Variants in GRIP1 observed in about 807,000 individuals in gnomAD.
GRIP1 encodes glutamate receptor interacting protein 1, also known as glutamate receptor-interacting protein 1.
In GRIP1, 45 loss-of-function variants were observed where a neutral mutation model predicts 129.9. That is an observed-to-expected ratio of 0.35 (90% CI 0.27 to 0.44). The LOEUF is 0.44. Ranked by LOEUF, GRIP1 falls within the 20% of genes least tolerant of loss-of-function variation. The pLI is 1.00. For synonymous variants in GRIP1, 530 were observed against 520.8 expected (o/e 1.02, Z -0.24); for missense variants, 1,196 against 1,396.8 (o/e 0.86, Z 2.29).
chr12:66,713,671 T>C (rs2035781384), intron 1 of GRIP1, among the ~76,000 whole-genome samples: 1 of 152,068 alleles, frequency 6.6e-6, no homozygotes, highest in African/African-American at 2.4e-5. Context: ...TCAAGGAAAC[T>C]ACCAACCATT....
chr12:66,841,702 AC>A (rs1295523053), intron 1 of GRIP1, among the ~76,000 whole-genome samples: 1 of 152,190 alleles, frequency 6.6e-6, no homozygotes, highest in Non-Finnish European at 1.5e-5. Context: ...AAAGGTGGCC[AC>A]AGTTAGCTGA....
intron 1 of GRIP1, among the ~76,000 whole-genome samples, chr12:66,642,611 A>G (rs1266147389): frequency 6.6e-6 from 1 of 152,196 alleles, no homozygotes; most frequent in Non-Finnish European, 1.5e-5. Flanking sequence ...TGCCGGGTGG[A>G]GAATGGGTTG....
chr12:66,828,131 C>A (rs899077919), intron 1 of GRIP1, among the ~76,000 whole-genome samples: 1 of 152,172 alleles, frequency 6.6e-6, no homozygotes, highest in Non-Finnish European at 1.5e-5. Flanking sequence ...TGTGGTGAGG[C>A]AATTATTTTA....
rs1014323352 is a variant in GRIP1 at position 66,566,750 on chromosome 12, CA to C, written c.137-24801del. Among the ~76,000 whole-genome samples, 24 of 151,140 alleles carry C rather than the reference CA, an allele frequency of 1.6e-4. No individual in the cohort carries two copies. In the South Asian group the frequency reaches 4.8e-3, roughly 30 times the overall value. ...AAAATTCGGCTGTGAATCCGTCTTC[CA>C]AAAAAAATCCAGGACTTTTTTTGGT... On this transcript the variant is annotated intron_variant, in intron 2 of 24. Transcript: ENST00000359742.
In GRIP1 at chr12:66,931,273, AG is replaced by A. The variant is rs1251695296; in HGVS notation, c.58+137776del. Among the ~76,000 whole-genome samples the A allele has an allele frequency of 2.6e-5, 4 of 152,266 alleles. No homozygotes were observed. The East Asian group carries it at 5.8e-4, about 22-fold the overall frequency. On this transcript the variant is annotated intron_variant, in intron 1 of 1. Coordinates refer to the GRIP1 transcript ENST00000643019. ...GTGTCACAGGGATGCCCTGAGGCAG[AG>A]GGAGCACTGAAATACTGCAGAGGGA...
At chr12:66,607,698 C>T (rs2064599863) in intron 1 of GRIP1, among the ~76,000 whole-genome samples, 1 of 152,182 alleles carries the variant, frequency 6.6e-6, no homozygotes, top group South Asian at 2.1e-4. Flanking sequence ...AGCTCCATGG[C>T]AGAGGTGCTG....
chr12:66,350,274 G>A (rs2054163822), intron 24 of GRIP1, among the ~76,000 whole-genome samples: 2 of 152,060 alleles, frequency 1.3e-5, no homozygotes, highest in South Asian at 4.2e-4. Flanking sequence ...GAGGTGGGTG[G>A]ATCCCCTGAG....
chr12:66,815,772 C>G (rs1235403367), intron 1 of GRIP1, among the ~76,000 whole-genome samples: 1 of 150,964 alleles, frequency 6.6e-6, no homozygotes, highest in Admixed American at 6.6e-5. Flanking sequence ...TCAAACCAAA[C>G]AAACAAACAA....
At chr12:66,762,006 T>G (rs1022188950) in intron 1 of GRIP1, among the ~76,000 whole-genome samples, 3 of 152,162 alleles carry the variant, frequency 2.0e-5, no homozygotes, top group Non-Finnish European at 4.4e-5. Context: ...ATGAGGATAG[T>G]TACATTTCCT....
chr12:66,694,964 G>T (rs886066459), intron 1 of GRIP1, among the ~76,000 whole-genome samples: 29 of 152,312 alleles, frequency 1.9e-4, no homozygotes, highest in African/African-American at 6.5e-4. Flanking sequence ...TCTCTCTGAA[G>T]CACTAAAGTC....
chr12:66,893,242 T>C (rs2040691613), intron 1 of GRIP1, among the ~76,000 whole-genome samples: 1 of 152,164 alleles, frequency 6.6e-6, no homozygotes, highest in African/African-American at 2.4e-5. Context: ...ATGTATTTGA[T>C]ATCTCTTTAT....
chr12:67,000,639 A>C (rs1162625709), intron 1 of GRIP1, among the ~76,000 whole-genome samples: 1 of 152,202 alleles, frequency 6.6e-6, no homozygotes, highest in Non-Finnish European at 1.5e-5. Context: ...AAAATTCAGC[A>C]AGTTCATTAG....
At chr12:66,411,353 A>C (rs11176171) in intron 15 of GRIP1, among the ~76,000 whole-genome samples, 1 of 151,620 alleles carries the variant, frequency 6.6e-6, no homozygotes, top group South Asian at 2.1e-4. Flanking sequence ...TCTGGAGTAG[A>C]CCCCCAGCAA....
chr12:66,743,881 G>C (rs562024498), intron 1 of GRIP1, among the ~76,000 whole-genome samples: 1 of 152,286 alleles, frequency 6.6e-6, no homozygotes, highest in Non-Finnish European at 1.5e-5. Flanking sequence ...ATATTCAAGT[G>C]AAAGGAGGCA....
chr12:66,858,208 G>C (rs1290458356), intron 1 of GRIP1, among the ~76,000 whole-genome samples: 1 of 151,806 alleles, frequency 6.6e-6, no homozygotes, highest in Non-Finnish European at 1.5e-5. Context: ...GTATATATAA[G>C]AGATCATTTT....
At chr12:66,973,271 AC>A (rs11418152) in intron 1 of GRIP1, among the ~76,000 whole-genome samples, 1 of 150,238 alleles carries the variant, frequency 6.7e-6, no homozygotes, top group African/African-American at 2.4e-5. Flanking sequence ...AACAAAAAAA[AC>A]CCACATTATG....
chr12:66,872,388 G>T lies in GRIP1; in HGVS notation c.58+196662C>A, dbSNP rs1195163493. ...AATGCATGGTTCTAGGATTGTTCCTGTAAGTTTACACTCAACTGTTCCTAT... is the reference window on the plus strand; with the variant it reads ...AATGCATGGTTCTAGGATTGTTCCTTTAAGTTTACACTCAACTGTTCCTAT... On this transcript the variant is annotated intron_variant, in intron 1 of 1. Transcript: ENST00000643019. Among the ~76,000 whole-genome samples the T allele has an allele frequency of 4.6e-5, 7 of 152,144 alleles. No individual in the cohort carries two copies. The South Asian group carries it at 1.5e-3, about 32-fold the overall frequency.
Position 66,785,343 on chromosome 12 carries a change from C to CATACATACATACAT in GRIP1, c.-420+18709_-420+18710insATGTATGTATGTAT, listed in dbSNP as rs377630345. ...ACATACATACATACATACATACATACATATATATATATATATATATTAGTT... is the reference window on the plus strand; with the variant it reads ...ACATACATACATACATACATACATACATACATACATACATATATATATATATATATATATTAGTT... On this transcript the variant is annotated intron_variant, in intron 1 of 4. Transcript: ENST00000538373. 2.5e-3 allele frequency among the ~76,000 whole-genome samples: 182 copies of CATACATACATACAT among 72,780 alleles called. 4 individuals are homozygous for CATACATACATACAT. The highest frequency in any genetic ancestry group is 8.7e-3 in the African/African-American group (171 of 19,716). 47.7% of individuals were successfully genotyped at this position (72,780 alleles called of 152,430 possible). A position where few individuals can be genotyped will look rare whatever the true frequency, so the allele number is the denominator to read the frequency against.
intron 1 of GRIP1, among the ~76,000 whole-genome samples, chr12:66,932,068 C>T (rs2041404716): frequency 6.6e-6 from 1 of 151,934 alleles, no homozygotes; most frequent in Non-Finnish European, 1.5e-5. Flanking sequence ...TTAAATATTT[C>T]CTTTCATATC....
Sources: allele counts gnomAD v4.1 joint callset (sites outside exome capture counted in the v4.1 genomes callset), GRCh38; gene constraint gnomAD v4.1.1; transcripts MANE v1.5; gene names NCBI Gene and HGNC (gene_info 2026-07-23, HGNC 2026-07-21).